Variants in PKHD1 observed in about 807,000 individuals in gnomAD.
The protein encoded by PKHD1 is PKHD1 ciliary IPT domain containing fibrocystin/polyductin.
Under a neutral mutation model 412.0 loss-of-function variants are expected in PKHD1, and 291 were observed. The ratio of observed to expected loss-of-function variants is 0.71; its 90% CI spans 0.64 to 0.78. The LOEUF is 0.78. PKHD1 is among the 30% of genes least tolerant of loss of function. The pLI, the probability that PKHD1 is intolerant of heterozygous loss-of-function variation, is 0.00. For missense variants in PKHD1, 4,825 were observed against 4,950.7 expected (o/e 0.97, Z 0.76); for synonymous variants, 1,777 against 1,821.5 (o/e 0.98, Z 0.62).
chr6:51,800,698 T>A lies in PKHD1; in HGVS notation c.8303-9325A>T, dbSNP rs780682730. Among the ~76,000 whole-genome samples the A allele has an allele frequency of 3.9e-5, 6 of 152,208 alleles. No individual in the cohort carries two copies. The South Asian group carries it at 8.3e-4, about 21-fold the overall frequency. ...AGGGCACAGATCCTGGGAATAATGA[T>A]GGGGTCACATGAACAGGCATAATTT... On this transcript the variant is annotated intron_variant, in intron 52 of 66. Coordinates refer to ENST00000371117, the MANE Select transcript of PKHD1 (RefSeq NM_138694.4).
intron 29 of PKHD1, 116 bp from the exon 30 acceptor site, chr6:52,028,467 C>A: frequency 1.1e-6 from 1 of 944,332 alleles, no homozygotes; most frequent in Non-Finnish European, 1.7e-6. Context: ...ATGCATAATA[C>A]TCTTAAGAGT....
At chr6:51,978,082 A>G (rs1794688885) in intron 35 of PKHD1, among the ~76,000 whole-genome samples, 1 of 152,192 alleles carries the variant, frequency 6.6e-6, no homozygotes, top group South Asian at 2.1e-4. Flanking sequence ...CATAAGAGAG[A>G]GCTGCACCTG....
intron 60 of PKHD1, among the ~76,000 whole-genome samples, chr6:51,674,450 T>C (rs1775514472): frequency 6.6e-6 from 1 of 152,160 alleles, no homozygotes; most frequent in Non-Finnish European, 1.5e-5. Flanking sequence ...TTTTCTTCCT[T>C]CTCTACTTCC....
chr6:51,667,733 G>A (rs1375153006), intron 60 of PKHD1, among the ~76,000 whole-genome samples: 9 of 149,548 alleles, frequency 6.0e-5, no homozygotes, highest in Middle Eastern at 3.4e-3. Context: ...TAAGGTGTAA[G>A]GAAGGGATCC....
At chr6:51,940,693 A>G (rs929020859) in intron 36 of PKHD1, among the ~76,000 whole-genome samples, 8 of 151,636 alleles carry the variant, frequency 5.3e-5, no homozygotes, top group Non-Finnish European at 7.4e-5. Flanking sequence ...CTACAGGACC[A>G]TCGCAGACGC....
chr6:52,065,136 TATATATATATATA>T, intron 12 of PKHD1, 86 bp from the exon 13 acceptor site: 1 of 54,478 alleles, frequency 1.8e-5, no homozygotes, highest in African/African-American at 9.4e-5. Flanking sequence ...TGTATAATTA[TATATATATATATA>T]TATATATATA....
At chr6:51,958,605 A>G (rs970770400) in intron 36 of PKHD1, among the ~76,000 whole-genome samples, 2 of 152,090 alleles carry the variant, frequency 1.3e-5, no homozygotes, top group Non-Finnish European at 2.9e-5. Flanking sequence ...CCCAAATGGT[A>G]GTAGCAATAT....
At chr6:51,913,465 G>A (rs907658987) in intron 37 of PKHD1, among the ~76,000 whole-genome samples, 1 of 151,962 alleles carries the variant, frequency 6.6e-6, no homozygotes, top group Admixed American at 6.6e-5. Flanking sequence ...GTTTATTCTG[G>A]TCTTTTCCAG....
At chr6:51,988,523 A>C (rs570013637) in intron 35 of PKHD1, among the ~76,000 whole-genome samples, 2 of 152,054 alleles carry the variant, frequency 1.3e-5, no homozygotes, top group African/African-American at 4.8e-5. Flanking sequence ...TCCAACAGCC[A>C]CTGTTTTATT....
chr6:51,991,490 A>T (rs1449868200), intron 35 of PKHD1, among the ~76,000 whole-genome samples: 1 of 152,200 alleles, frequency 6.6e-6, no homozygotes, highest in African/African-American at 2.4e-5. Context: ...GTCCTCACTT[A>T]AAAAAATAAA....
At chr6:52,048,420 G>T in intron 23 of PKHD1, 72 bp downstream of exon 23, 1 of 1,430,690 alleles carries the variant, frequency 7.0e-7, no homozygotes, top group Non-Finnish European at 9.9e-7. Context: ...AACCTCCCAG[G>T]ATGTTGTTCC....
intron 35 of PKHD1, among the ~76,000 whole-genome samples, chr6:51,981,312 TCTC>T (rs1795142893): frequency 1.4e-4 from 1 of 7,366 alleles, no homozygotes; most frequent in African/African-American, 3.5e-4. Context: ...AAGCTCAAGC[TCTC>T]CCTCTCCCTC....
chr6:51,692,435 C>T lies in PKHD1; in HGVS notation c.10157-32466G>A, dbSNP rs140967336. On this transcript the variant is annotated intron_variant, in intron 60 of 66. Coordinates refer to ENST00000371117, the MANE Select transcript of PKHD1 (RefSeq NM_138694.4). Reference sequence around the variant, plus strand: ...AGTTTGACCTCTTGCTATTCTTCTACCTCCATGACTTAGTCACTGATTTCT... The same window carrying T: ...AGTTTGACCTCTTGCTATTCTTCTATCTCCATGACTTAGTCACTGATTTCT... 2.2e-3 allele frequency among the ~76,000 whole-genome samples: 341 copies of T among 152,266 alleles called. 4 individuals are homozygous for T. The Middle Eastern group carries it at 0.065, about 29-fold the overall frequency.
intron 50 of PKHD1, 106 bp downstream of exon 50, chr6:51,847,669 C>T (rs1302515945): frequency 2.3e-6 from 2 of 851,700 alleles, no homozygotes; most frequent in African/African-American, 1.7e-5. Flanking sequence ...ACACAGCTGT[C>T]CCTTTCAGTT....
intron 20 of PKHD1, among the ~76,000 whole-genome samples, chr6:52,053,624 T>C (rs545217966): frequency 1.3e-5 from 2 of 152,180 alleles, no homozygotes; most frequent in Non-Finnish European, 2.9e-5. Context: ...TTAAGACCAT[T>C]TACAAGACCC....
chr6:51,882,953 G>T, intron 46 of PKHD1, 140 bp downstream of exon 46: 1 of 703,066 alleles, frequency 1.4e-6, no homozygotes, highest in Non-Finnish European at 2.5e-6. Flanking sequence ...CAAATAAAAA[G>T]GTCTTTTAAC....
At chr6:51,798,133 C>T (rs1794878592) in intron 52 of PKHD1, among the ~76,000 whole-genome samples, 1 of 152,140 alleles carries the variant, frequency 6.6e-6, no homozygotes, top group South Asian at 2.1e-4. Flanking sequence ...AATTCCAGCA[C>T]TTTGGGAGGC....
At chr6:51,739,099 TTATA>T (rs1411275364) in intron 60 of PKHD1, among the ~76,000 whole-genome samples, 1 of 147,606 alleles carries the variant, frequency 6.8e-6, no homozygotes, top group Non-Finnish European at 1.5e-5. Flanking sequence ...AATATGTATT[TTATA>T]TATATTTATA....
intron 59 of PKHD1, 72 bp from the exon 60 acceptor site, chr6:51,744,614 G>A: frequency 9.9e-6 from 11 of 1,110,826 alleles, no homozygotes; most frequent in African/African-American, 1.5e-5. Context: ...CATTGGTAGT[G>A]CTAATGTTGT....
Sources: allele counts gnomAD v4.1 joint callset (sites outside exome capture counted in the v4.1 genomes callset), GRCh38; gene constraint gnomAD v4.1.1; transcripts MANE v1.5; gene names NCBI Gene and HGNC (gene_info 2026-07-23, HGNC 2026-07-21).